Variants in BRF1 observed in about 807,000 individuals in gnomAD.
The protein encoded by BRF1 is transcription factor IIIB 90 kDa subunit.
Under a neutral mutation model 81.7 loss-of-function variants are expected in BRF1, and 59 were observed. The observed-to-expected ratio is 0.72, with a 90% confidence interval of 0.59 to 0.90. The LOEUF is 0.90. Ranked by LOEUF, BRF1 falls within the 40% of genes least tolerant of loss-of-function variation. The probability of loss-of-function intolerance (pLI) is 0.00; values close to 1 mark genes in which losing one functional copy is unlikely to be tolerated. For synonymous variants in BRF1, 491 were observed against 395.6 expected, an observed-to-expected ratio of 1.24 and a Z score of -2.86; for missense variants, 1,050 against 936.3, an observed-to-expected ratio of 1.12 and a Z score of -1.58.
chr14:105,225,994 C>G (rs1438714669), intron 10 of BRF1, 75 bp downstream of exon 10: 6 of 1,406,466 alleles, frequency 4.3e-6, no homozygotes, highest in Admixed American at 2.0e-5. Context: ...AGGTCTTTTT[C>G]TGATCCTGAA....
chr14:105,216,575 C>A (rs587663312), intron 15 of BRF1, among the ~76,000 whole-genome samples: 2 of 152,322 alleles, frequency 1.3e-5, no homozygotes, highest in East Asian at 1.9e-4. Context: ...CACAGAGTAG[C>A]ACCTGGGCAC....
intron 5 of BRF1, among the ~76,000 whole-genome samples, chr14:105,251,362 C>T (rs182168154): frequency 1.3e-3 from 197 of 152,300 alleles, no homozygotes; most frequent in Non-Finnish European, 2.3e-3. Context: ...AACAGACTGT[C>T]GGGGGAGCAT....
At chr14:105,274,000 G>C (rs372177941) in intron 2 of BRF1, among the ~76,000 whole-genome samples, 4 of 152,330 alleles carry the variant, frequency 2.6e-5, no homozygotes, top group Non-Finnish European at 4.4e-5. Context: ...TGAATGTCTC[G>C]ATATAAAACC....
intron 15 of BRF1, chr14:105,217,130 A>G (rs1891459408): frequency 1.7e-5 from 4 of 240,244 alleles, no homozygotes; most frequent in Non-Finnish European, 3.3e-5. Flanking sequence ...CTCCTTCCTC[A>G]GCAGTGTGCT....
chr14:105,281,660 T>C (rs1014242758), intron 2 of BRF1, among the ~76,000 whole-genome samples: 1 of 151,724 alleles, frequency 6.6e-6, no homozygotes, highest in Non-Finnish European at 1.5e-5. Context: ...GGGGAAGCTG[T>C]GTGGTGGGAG....
At chr14:105,305,486 G>C (rs1050845782), upstream of BRF1, among the ~76,000 whole-genome samples, 14 of 152,190 alleles carry the variant, frequency 9.2e-5, no homozygotes, top group Non-Finnish European at 1.3e-4. Flanking sequence ...TGCAGGAAGA[G>C]GGCACTGTCT....
Position 105,269,014 on chromosome 14 carries a change from G to A in BRF1, c.439+3707C>T, listed in dbSNP as rs896164492. Among the ~76,000 whole-genome samples, 3 of 152,208 alleles carry A rather than the reference G, an allele frequency of 2.0e-5. No individual in the cohort carries two copies. The highest frequency in any genetic ancestry group is 1.3e-4 in the Admixed American group (2 of 15,288). The stretch of plus-strand genomic sequence containing the variant: ...CCAGCCAGCTGGGGCTGCAGGAGGC[G>A]AGGACAGTGGCCAGAGCCAATGCAG... On this transcript the variant is annotated intron_variant, in intron 3 of 17. Transcript: ENST00000547530. The surrounding 1 kb of genome is among the most constrained non-coding windows in gnomAD (Gnocchi z 5.0).
rs1196131533 is a variant in BRF1 at position 105,246,800 on chromosome 14, CT to C, written c.545-5387del. ...AAAATCAAAGTGCAAAGGGTGGTTT[CT>C]TTCTAAGGATGAAAATTATTATTCA... On this transcript the variant is annotated intron_variant, in intron 5 of 17. Coordinates refer to ENST00000547530, the MANE Select transcript of BRF1 (RefSeq NM_001519.4). 7 of 984,916 alleles carry C rather than the reference CT, an allele frequency of 7.1e-6. No individual in the cohort carries two copies. The East Asian group carries it at 3.4e-4, about 48-fold the overall frequency. 61.0% of individuals were successfully genotyped at this position (984,916 alleles called of 1,614,324 possible).
At chr14:105,227,960 T>C (rs1181831549) in intron 7 of BRF1, 2 of 152,210 alleles carry the variant, frequency 1.3e-5, no homozygotes, top group Non-Finnish European at 2.9e-5. Context: ...ACATTTACCT[T>C]GTCAAAGTCT....
upstream of BRF1, chr14:105,315,585 T>C (rs1283896963): frequency 1.3e-5 from 2 of 152,284 alleles, no homozygotes; most frequent in Admixed American, 6.5e-5. The surrounding 1 kb of genome is among the most constrained non-coding windows in gnomAD (Gnocchi z 4.4). Flanking sequence ...TTTAGAGGCG[T>C]CGCCAAGCCA....
chr14:105,265,053 T>G (rs1247875831), intron 3 of BRF1, among the ~76,000 whole-genome samples: 1 of 140,598 alleles, frequency 7.1e-6, no homozygotes, highest in Non-Finnish European at 1.6e-5. Context: ...TCCTTTTTTT[T>G]GTTTTTTTTT....
chr14:105,211,674 C>T (rs180735027), intron 16 of BRF1: 135 of 358,246 alleles, frequency 3.8e-4, no homozygotes, highest in Non-Finnish European at 5.0e-4. Context: ...GGCTCTGCTC[C>T]GGCCCCTGCC....
chr14:105,229,135 C>A (rs942664621), intron 6 of BRF1, among the ~76,000 whole-genome samples: 1 of 152,222 alleles, frequency 6.6e-6, no homozygotes. Flanking sequence ...ATTTTCAAAT[C>A]AAGGAAAATT....
Position 105,306,391 on chromosome 14 carries a change from C to G in BRF1, c.-162+8931G>C, listed in dbSNP as rs1039649692. On this transcript the variant is annotated intron_variant, in intron 1 of 17. Transcript: ENST00000327359. ...CCATCTCGACTCAGTGCAACCTCTG[C>G]CTCCCAGGTTCAAGCGATTCTCCTG... 2.0e-5 allele frequency among the ~76,000 whole-genome samples: 3 copies of G among 152,178 alleles called. No individual in the cohort carries two copies. The East Asian group carries it at 5.8e-4, about 29-fold the overall frequency.
chr14:105,311,845 A>G (rs1317082596), intron 1 of BRF1, among the ~76,000 whole-genome samples: 1 of 152,150 alleles, frequency 6.6e-6, no homozygotes. Flanking sequence ...ATTCCTCCTC[A>G]GCCTCAGTCA....
At chr14:105,304,736 A>G (rs1288469042), upstream of BRF1, among the ~76,000 whole-genome samples, 7 of 152,244 alleles carry the variant, frequency 4.6e-5, no homozygotes, top group Non-Finnish European at 1.5e-5. Flanking sequence ...CAGAGGCCTC[A>G]CAATCATGGA....
chr14:105,289,029 C>G (rs1324465735), intron 1 of BRF1, among the ~76,000 whole-genome samples: 10 of 136,652 alleles, frequency 7.3e-5, no homozygotes, highest in African/African-American at 2.7e-4. Flanking sequence ...GAGCAAGACC[C>G]TGTCTCAAAA....
At chr14:105,249,614 C>T (rs752654567) in intron 5 of BRF1, 21 of 1,592,522 alleles carry the variant, frequency 1.3e-5, no homozygotes, top group Middle Eastern at 1.7e-4. Context: ...GGAGCCAGCC[C>T]CTGACGCGGG....
Position 105,217,767 on chromosome 14 carries a change from GA to G in BRF1, c.1548del (p.Gln517ArgfsTer69). The G allele has an allele frequency of 6.2e-7, 1 of 1,613,192 alleles. No individual in the cohort carries two copies. The highest frequency in any genetic ancestry group is 8.5e-7 in the Non-Finnish European group (1 of 1,179,886). On this transcript the variant is annotated frameshift_variant, in exon 15 of 18. Transcript: ENST00000547530. LOFTEE classifies it high-confidence loss of function. ...PKKSCKRREP[I>X]QASTAREAIE... ...ATGGCCTCCCTGGCGGTACTGGCCT[GA>G]ATTGGCTCCCGTCGCTTGCAAGACT...
Sources: allele counts gnomAD v4.1 joint callset (sites outside exome capture counted in the v4.1 genomes callset), GRCh38; gene constraint gnomAD v4.1.1; non-coding constraint Gnocchi (gnomAD v3.1); transcripts MANE v1.5; gene names NCBI Gene and HGNC (gene_info 2026-07-23, HGNC 2026-07-21).